SGPP2: variants seen among roughly 807,000 people sequenced by gnomAD.
The protein encoded by SGPP2 is sphingosine 1-phosphate phosphohydrolase 2.
Under a neutral mutation model 33.9 loss-of-function variants are expected in SGPP2, and 30 were observed. The observed-to-expected ratio is 0.89, with a 90% confidence interval of 0.66 to 1.20. SGPP2 has a LOEUF of 1.20. Ranked by LOEUF, SGPP2 falls within the 50% of genes most tolerant of loss-of-function variation. SGPP2 has a pLI of 0.00. For synonymous variants in SGPP2, 233 were observed against 225.0 expected, an observed-to-expected ratio of 1.04 and a Z score of -0.32; for missense variants, 458 against 532.1, an observed-to-expected ratio of 0.86 and a Z score of 1.37.
intron 1 of SGPP2, among the ~76,000 whole-genome samples, chr2:222,464,273 C>G (rs1045008607): frequency 5.3e-5 from 8 of 152,152 alleles, no homozygotes; most frequent in Admixed American, 3.3e-4. Context: ...TTAAAAATGG[C>G]AGTGGTTATT....
intron 1 of SGPP2, among the ~76,000 whole-genome samples, chr2:222,425,393 G>T (rs373297562): frequency 2.6e-5 from 4 of 152,274 alleles, no homozygotes; most frequent in East Asian, 3.9e-4. Context: ...AGCAACTCTC[G>T]CTTGCCCTCC....
chr2:222,441,738 A>AT (rs958409877), intron 1 of SGPP2, among the ~76,000 whole-genome samples: 1 of 152,194 alleles, frequency 6.6e-6, no homozygotes, highest in Non-Finnish European at 1.5e-5. Context: ...TTATAAAAAG[A>AT]TTCTAAGGAC....
chr2:222,513,858 C>A (rs1698565650), intron 2 of SGPP2, among the ~76,000 whole-genome samples: 2 of 152,134 alleles, frequency 1.3e-5, no homozygotes, highest in Admixed American at 1.3e-4. Context: ...GCCTGGCAGA[C>A]CCCTTGATTT....
intron 4 of SGPP2, among the ~76,000 whole-genome samples, chr2:222,538,850 C>T (rs1698952163): frequency 6.6e-6 from 1 of 152,140 alleles, no homozygotes; most frequent in Non-Finnish European, 1.5e-5. Flanking sequence ...TGGTGCTAAA[C>T]CATTCATGAA....
At chr2:222,429,552 A>G (rs1476978756) in intron 1 of SGPP2, among the ~76,000 whole-genome samples, 1 of 152,222 alleles carries the variant, frequency 6.6e-6, no homozygotes, top group East Asian at 1.9e-4. Flanking sequence ...CATGCCCGTT[A>G]TATCACCGCC....
In SGPP2 at chr2:222,473,712, G is replaced by T. The variant is rs1697884367; in HGVS notation, c.220-856G>T. 2.0e-5 allele frequency among the ~76,000 whole-genome samples: 3 copies of T among 152,142 alleles called. No homozygotes were observed. In the South Asian group the frequency reaches 6.2e-4, roughly 32 times the overall value. On this transcript the variant is annotated intron_variant, in intron 1 of 4. Coordinates refer to ENST00000321276, the MANE Select transcript of SGPP2 (RefSeq NM_152386.4). ...GGCCGAGGTGGGTGGATCACCTGAG[G>T]TTGGGAGTTTGAGACGAGCCTGACC... is the stretch of plus-strand genomic sequence containing the variant.
chr2:222,551,919 A>T (rs1034136435), intron 4 of SGPP2, among the ~76,000 whole-genome samples: 1 of 152,204 alleles, frequency 6.6e-6, no homozygotes, highest in African/African-American at 2.4e-5. Flanking sequence ...ATGCCTTTGG[A>T]TCCTCATAAT....
At position 222,558,905 on chromosome 2, in the gene SGPP2, A is replaced by G. The variant is rs1237646129; in HGVS notation, c.*7A>G. On this transcript the variant is annotated 3_prime_UTR_variant, in exon 5 of 5. Transcript: ENST00000321276. ...GTTTCTGGGATTACCCTGAGTCTCA[A>G]ACAGTTGGAAACTAGCCCACTGGAC... The G allele has an allele frequency of 8.8e-6, 14 of 1,595,210 alleles. No individual in the cohort carries two copies. The highest frequency in any genetic ancestry group is 1.2e-5 in the Non-Finnish European group (14 of 1,164,414).
chr2:222,540,262 C>A (rs756924665), intron 4 of SGPP2, among the ~76,000 whole-genome samples: 3 of 152,042 alleles, frequency 2.0e-5, no homozygotes, highest in Non-Finnish European at 4.4e-5. Flanking sequence ...GTACACATAA[C>A]CTAAAGGTAA....
chr2:222,505,289 G>A lies in SGPP2; in HGVS notation c.379-16478G>A, dbSNP rs140484133. ...TGAAGGTGAGTGGATATATGTAACT[G>A]CATAATTGTAAAAGAACAACTATGA... On this transcript the variant is annotated intron_variant, in intron 2 of 4. Coordinates refer to ENST00000321276, the MANE Select transcript of SGPP2 (RefSeq NM_152386.4). Among the ~76,000 whole-genome samples, 92 of 152,290 alleles carry A rather than the reference G, an allele frequency of 6.0e-4. No individual in the cohort carries two copies. The Middle Eastern group carries it at 0.01, about 17-fold the overall frequency.
At position 222,515,918 on chromosome 2, in the gene SGPP2, C is replaced by T. The variant is rs367668206; in HGVS notation, c.379-5849C>T. On this transcript the variant is annotated intron_variant, in intron 2 of 4. Coordinates refer to ENST00000321276, the MANE Select transcript of SGPP2 (RefSeq NM_152386.4). ...CAAAAAGTATCCAGGTGTGGTAGCG[C>T]GTGACTGTAGTCCCAGCTATTTGGG... is the stretch of plus-strand genomic sequence containing the variant. Among the ~76,000 whole-genome samples the T allele has an allele frequency of 1.6e-4, 25 of 152,100 alleles. No individual in the cohort carries two copies. In the East Asian group the frequency reaches 4.7e-3, roughly 29 times the overall value.
chr2:222,559,493 GCT>G lies in SGPP2; in HGVS notation c.*598_*599del, dbSNP rs1216482752. The G allele has an allele frequency of 1.3e-5, 2 of 154,392 alleles. No homozygotes were observed. Among genetic ancestry groups the G allele is most frequent in the Admixed American group, 6.4e-5 (1 of 15,702 alleles). The allele number at this position is 154,392 out of a possible 1,614,324, so 9.6% of individuals were successfully genotyped here. On this transcript the variant is annotated 3_prime_UTR_variant, in exon 5 of 5. Coordinates refer to ENST00000321276, the MANE Select transcript of SGPP2 (RefSeq NM_152386.4). ...TTTGTTTTGTTTGAGACAGGATCTT[GCT>G]CTGTTTCCCAGGCTGTATTACAGTG...
intron 2 of SGPP2, among the ~76,000 whole-genome samples, chr2:222,486,168 C>T (rs903247116): frequency 6.6e-6 from 1 of 152,068 alleles, no homozygotes; most frequent in Non-Finnish European, 1.5e-5. Context: ...GCTGCATTTG[C>T]TATGCGGAAG....
intron 1 of SGPP2, among the ~76,000 whole-genome samples, chr2:222,435,756 G>A: frequency 6.6e-6 from 1 of 152,198 alleles, no homozygotes; most frequent in Non-Finnish European, 1.5e-5. Context: ...GCACAAACAT[G>A]TTTTAACAAA....
In SGPP2 at chr2:222,452,618, G is replaced by T. The variant is rs183127173; in HGVS notation, c.220-21950G>T. 2.0e-4 allele frequency: 270 copies of T among 1,352,466 alleles called. 3 individuals are homozygous for T. The African/African-American group carries it at 3.4e-3, about 17-fold the overall frequency. 83.8% of individuals were successfully genotyped at this position (1,352,466 alleles called of 1,614,324 possible). On this transcript the variant is annotated intron_variant, in intron 1 of 4. Transcript: ENST00000321276. ...GACTGTTCCAGGCCTGATTGTTCCA[G>T]AACTGGGTGCACCAGGTCTGAGTGT...
intron 2 of SGPP2, 152 bp from the exon 3 acceptor site, chr2:222,521,615 A>C: frequency 2.7e-6 from 2 of 728,110 alleles, no homozygotes; most frequent in Non-Finnish European, 2.1e-6. Flanking sequence ...ACCAACTAAA[A>C]TATCCTACAA....
chr2:222,493,348 C>T (rs1336739260), intron 2 of SGPP2, among the ~76,000 whole-genome samples: 3 of 152,156 alleles, frequency 2.0e-5, no homozygotes, highest in Non-Finnish European at 2.9e-5. Flanking sequence ...GGGAAAACTG[C>T]CTTATAAAAC....
chr2:222,432,681 A>G (rs544666573), intron 1 of SGPP2, among the ~76,000 whole-genome samples: 2 of 152,324 alleles, frequency 1.3e-5, no homozygotes, highest in South Asian at 4.1e-4. Context: ...GACACAGGAA[A>G]CAATAGGAAC....
chr2:222,538,506 A>C (rs1270966835), intron 4 of SGPP2, among the ~76,000 whole-genome samples: 1 of 152,204 alleles, frequency 6.6e-6, no homozygotes, highest in Non-Finnish European at 1.5e-5. Flanking sequence ...ATAAAACAGC[A>C]GTCCCGGGAG....
Sources: allele counts gnomAD v4.1 joint callset (sites outside exome capture counted in the v4.1 genomes callset), GRCh38; gene constraint gnomAD v4.1.1; transcripts MANE v1.5; gene names NCBI Gene and HGNC (gene_info 2026-07-23, HGNC 2026-07-21).